The following CLVS1 variants were observed in gnomAD, a reference collection of about 807,000 sequenced individuals.
The protein encoded by CLVS1 is clavesin 1.
A neutral mutation model predicts 33.1 loss-of-function variants in CLVS1; 10 were observed. The observed-to-expected ratio is 0.30, with a 90% confidence interval of 0.19 to 0.51. The LOEUF is 0.51. Among genes scored for constraint, CLVS1 ranks in the 20% least tolerant of loss-of-function variants. The pLI is 0.97. For missense variants in CLVS1, 343 were observed against 433.4 expected, an observed-to-expected ratio of 0.79 and a Z score of 1.85; for synonymous variants, 163 against 166.1, an observed-to-expected ratio of 0.98 and a Z score of 0.14.
upstream of CLVS1, among the ~76,000 whole-genome samples, chr8:61,052,743 G>A (rs902934663): frequency 6.6e-6 from 1 of 152,192 alleles, no homozygotes; most frequent in Non-Finnish European, 1.5e-5. Flanking sequence ...TCTGAGGGCT[G>A]CTGTGAGAGT....
intron 2 of CLVS1, among the ~76,000 whole-genome samples, chr8:61,352,783 A>G (rs1812522335): frequency 6.6e-6 from 1 of 152,002 alleles, no homozygotes; most frequent in Admixed American, 6.6e-5. Context: ...AAAAAGCAAT[A>G]AAAAATAACA....
At chr8:60,967,909 C>A in the CLVS1 span, 2 of 313,354 alleles carry the variant, frequency 6.4e-6, no homozygotes, top group Non-Finnish European at 1.3e-5. Flanking sequence ...TCTCCACACA[C>A]CCGTGGACTA....
chr8:61,354,471 C>T lies in CLVS1; in HGVS notation c.456-22134C>T, dbSNP rs1481320146. Among the ~76,000 whole-genome samples the T allele has an allele frequency of 2.0e-5, 3 of 152,048 alleles. No individual in the cohort carries two copies. In the East Asian group the frequency reaches 5.8e-4, roughly 29 times the overall value. ...ATTACCATACAGACCAGAAATTACA[C>T]TCTCGGGCATTTATCTCAGATAAAT... On this transcript the variant is annotated intron_variant, in intron 2 of 5. Coordinates refer to ENST00000325897, the MANE Select transcript of CLVS1 (RefSeq NM_173519.3).
chr8:61,243,843 G>A (rs1040267744), intron 2 of CLVS1, among the ~76,000 whole-genome samples: 2 of 152,050 alleles, frequency 1.3e-5, no homozygotes, highest in South Asian at 4.2e-4. Flanking sequence ...TTCACTGTTA[G>A]CTTCCTTGTG....
At chr8:61,279,742 A>T (rs1585744488) in intron 2 of CLVS1, among the ~76,000 whole-genome samples, 2 of 152,362 alleles carry the variant, frequency 1.3e-5, no homozygotes, top group African/African-American at 4.8e-5. Flanking sequence ...TGGCTTAATA[A>T]TTATTTATGA....
At chr8:61,481,272 T>C (rs1395375081) in intron 5 of CLVS1, among the ~76,000 whole-genome samples, 3 of 152,130 alleles carry the variant, frequency 2.0e-5, no homozygotes, top group African/African-American at 4.8e-5. Context: ...TATGAGCAGC[T>C]CCAGTCTGCA....
chr8:61,324,514 T>G (rs1381120794), intron 2 of CLVS1, among the ~76,000 whole-genome samples: 1 of 152,006 alleles, frequency 6.6e-6, no homozygotes, highest in Non-Finnish European at 1.5e-5. Flanking sequence ...TACAGTAAAT[T>G]GGTACCAGGA....
the CLVS1 span, among the ~76,000 whole-genome samples, chr8:61,048,077 G>A: frequency 0.2 from 29,745 of 152,088 alleles, 3,964 homozygotes; most frequent in African/African-American, 0.38. Flanking sequence ...AAAGGGAGGC[G>A]CATGTTTGGG....
At chr8:61,463,780 G>T (rs964250907) in intron 5 of CLVS1, among the ~76,000 whole-genome samples, 19 of 151,916 alleles carry the variant, frequency 1.3e-4, no homozygotes, top group Non-Finnish European at 2.9e-5. Context: ...ATAATAAAAA[G>T]TTTGGGCCGG....
At chr8:61,173,689 C>G (rs1485721161) in intron 2 of CLVS1, among the ~76,000 whole-genome samples, 1 of 152,126 alleles carries the variant, frequency 6.6e-6, no homozygotes, top group East Asian at 1.9e-4. Flanking sequence ...AAGGGGAGCT[C>G]AGGCTATGTC....
At chr8:61,469,812 A>G (rs1817675447) in intron 5 of CLVS1, among the ~76,000 whole-genome samples, 1 of 152,184 alleles carries the variant, frequency 6.6e-6, no homozygotes, top group African/African-American at 2.4e-5. Flanking sequence ...CCATTCAACA[A>G]CACTATATAA....
intron 1 of CLVS1, chr8:61,292,492 C>A (rs1810030832): frequency 4.7e-6 from 2 of 425,018 alleles, no homozygotes; most frequent in Non-Finnish European, 9.5e-6. Flanking sequence ...AGGTCCTCTT[C>A]CTTAAAAAAG....
At chr8:61,115,896 G>A (rs569532712) in intron 1 of CLVS1, among the ~76,000 whole-genome samples, 2 of 146,492 alleles carry the variant, frequency 1.4e-5, no homozygotes, top group East Asian at 4.0e-4. Context: ...ACCCAGTAAT[G>A]GGATGGCTGG....
At chr8:61,494,528 A>G (rs1282548572) in intron 5 of CLVS1, among the ~76,000 whole-genome samples, 1 of 152,170 alleles carries the variant, frequency 6.6e-6, no homozygotes, top group Non-Finnish European at 1.5e-5. Context: ...GAGAAGACAA[A>G]GCCACCGAAT....
chr8:61,188,247 A>G (rs1037261536), intron 2 of CLVS1, among the ~76,000 whole-genome samples: 1 of 152,158 alleles, frequency 6.6e-6, no homozygotes, highest in Admixed American at 6.6e-5. Context: ...GCAAATCTTG[A>G]ATTTAAATTA....
intron 2 of CLVS1, among the ~76,000 whole-genome samples, chr8:61,316,776 G>T (rs1450483966): frequency 6.6e-6 from 1 of 152,160 alleles, no homozygotes; most frequent in African/African-American, 2.4e-5. Context: ...GAGAGCTCAG[G>T]TGCCTGTGGC....
At chr8:61,092,396 TG>T (rs1805266736) in intron 1 of CLVS1, among the ~76,000 whole-genome samples, 1 of 152,136 alleles carries the variant, frequency 6.6e-6, no homozygotes, top group African/African-American at 2.4e-5. Flanking sequence ...TAGGAAGAGG[TG>T]GAGCGTTCAT....
At chr8:61,365,528 A>C (rs1212193041) in intron 2 of CLVS1, among the ~76,000 whole-genome samples, 59 of 42,456 alleles carry the variant, frequency 1.4e-3, no homozygotes, top group Admixed American at 3.0e-3. Context: ...ACACCATGTC[A>C]AAAAAAAAAA....
At chr8:61,138,893 C>G (rs941988551) in intron 2 of CLVS1, among the ~76,000 whole-genome samples, 1 of 152,248 alleles carries the variant, frequency 6.6e-6, no homozygotes, top group Non-Finnish European at 1.5e-5. Context: ...CGCTCTTTCC[C>G]GATTGTAAAT....
Sources: gnomAD v4.1 joint callset for allele counts (sites outside exome capture counted in the v4.1 genomes callset) on GRCh38, gnomAD v4.1.1 for gene constraint, MANE v1.5 for transcripts, NCBI Gene and HGNC (gene_info 2026-07-23, HGNC 2026-07-21) for gene names.